The following SLC4A4 variants were observed in gnomAD, a reference collection of about 807,000 sequenced individuals.
The protein encoded by SLC4A4 is electrogenic sodium bicarbonate cotransporter 1.
In SLC4A4, 27 loss-of-function variants were observed where a neutral mutation model predicts 111.5. The ratio of observed to expected loss-of-function variants is 0.24; its 90% CI spans 0.18 to 0.33. The LOEUF is 0.33. SLC4A4 is among the 10% of genes least tolerant of loss of function. The pLI, the probability that SLC4A4 is intolerant of heterozygous loss-of-function variation, is 1.00. For synonymous variants in SLC4A4, 443 were observed against 463.4 expected, an observed-to-expected ratio of 0.96 and a Z score of 0.57; for missense variants, 909 against 1,315.5, an observed-to-expected ratio of 0.69 and a Z score of 4.78.
intron 13 of SLC4A4, among the ~76,000 whole-genome samples, chr4:71,469,730 T>C (rs1727692956): frequency 6.6e-6 from 1 of 151,910 alleles, no homozygotes; most frequent in Non-Finnish European, 1.5e-5. Flanking sequence ...CTCTTTCTTC[T>C]TGATGCTCTA....
chr4:71,379,933 C>T lies in SLC4A4; in HGVS notation c.731-17644C>T, dbSNP rs569703029. 3.2e-3 allele frequency among the ~76,000 whole-genome samples: 482 copies of T among 151,966 alleles called. 3 individuals carry two copies. Among genetic ancestry groups the T allele is most frequent in the Non-Finnish European group, 5.2e-3 (352 of 67,984 alleles). On this transcript the variant is annotated intron_variant, in intron 6 of 25. Transcript: ENST00000264485. ...GCTTTTTTGAAGAAACTGATTTGTT[C>T]CTCATCCAGGGTCTAACATAGGGCC... is the stretch of plus-strand genomic sequence containing the variant.
chr4:71,566,729 G>C (rs1737502525), intron 24 of SLC4A4, among the ~76,000 whole-genome samples: 1 of 151,750 alleles, frequency 6.6e-6, no homozygotes, highest in Admixed American at 6.6e-5. Context: ...TAGGCATTAA[G>C]AGAATGCTAT....
chr4:71,337,557 T>G (rs1225289967), intron 3 of SLC4A4, among the ~76,000 whole-genome samples: 3 of 152,188 alleles, frequency 2.0e-5, no homozygotes, highest in Non-Finnish European at 4.4e-5. Context: ...AATGATCACC[T>G]CTGTCACTAA....
intron 3 of SLC4A4, among the ~76,000 whole-genome samples, chr4:71,268,081 T>TTTG (rs1722428971): frequency 6.8e-6 from 1 of 146,472 alleles, no homozygotes; most frequent in Admixed American, 6.8e-5. Flanking sequence ...TAGTGTTTTT[T>TTTG]TTTTTTTTTT....
intron 21 of SLC4A4, among the ~76,000 whole-genome samples, chr4:71,556,515 A>T (rs913938487): frequency 2.6e-5 from 4 of 151,962 alleles, no homozygotes; most frequent in African/African-American, 9.7e-5. Context: ...TGTTTATTTA[A>T]TTAAAAAGAA....
chr4:71,121,144 G>A (rs371395213), intron 2 of SLC4A4, among the ~76,000 whole-genome samples: 1 of 152,258 alleles, frequency 6.6e-6, no homozygotes, highest in East Asian at 1.9e-4. Context: ...ATTCTTGCAG[G>A]GCCTCAGCTG....
At chr4:71,261,132 A>G (rs1398722777) in intron 3 of SLC4A4, among the ~76,000 whole-genome samples, 2 of 152,158 alleles carry the variant, frequency 1.3e-5, no homozygotes, top group African/African-American at 4.8e-5. Flanking sequence ...GAAGCAACCT[A>G]AATTCAGTCT....
rs114426813 is a variant in SLC4A4 at position 71,069,132 on chromosome 4, T to C, written c.-65+6344T>C. Among the ~76,000 whole-genome samples, 1,329 of 152,312 alleles carry C rather than the reference T, an allele frequency of 8.7e-3. 14 individuals carry two copies. The highest frequency in any genetic ancestry group is 0.031 in the African/African-American group (1,270 of 41,552). The stretch of plus-strand genomic sequence containing the variant: ...TCTTACTAAAGAGAATCATTATTTT[T>C]TTCAGGGCAGGCACATACATAGATA... On this transcript the variant is annotated intron_variant, in intron 1 of 26. Transcript: ENST00000649996.
chr4:71,558,433 C>G (rs909874190), intron 22 of SLC4A4, among the ~76,000 whole-genome samples: 5 of 151,896 alleles, frequency 3.3e-5, no homozygotes, highest in African/African-American at 1.2e-4. Flanking sequence ...TAAGGTGGGA[C>G]TCTCTATCCT....
At chr4:71,504,651 T>A (rs1356290574) in intron 16 of SLC4A4, among the ~76,000 whole-genome samples, 2 of 135,532 alleles carry the variant, frequency 1.5e-5, no homozygotes, top group African/African-American at 5.8e-5. Flanking sequence ...ACTGAAGACT[T>A]ATTGTGTTTC....
intron 1 of SLC4A4, among the ~76,000 whole-genome samples, chr4:71,191,350 C>G (rs140192186): frequency 2.0e-5 from 3 of 152,282 alleles, no homozygotes; most frequent in East Asian, 1.9e-4. Flanking sequence ...GTTCTTCTTT[C>G]CTGAAAACTA....
chr4:71,354,303 G>A (rs1730094938), intron 5 of SLC4A4, among the ~76,000 whole-genome samples: 1 of 152,186 alleles, frequency 6.6e-6, no homozygotes, highest in South Asian at 2.1e-4. Context: ...AGCTGTGCAT[G>A]TTGGCAGATG....
Position 71,451,193 on chromosome 4 carries a change from A to C in SLC4A4, c.1214A>C (p.Asn405Thr). The change falls in exon 11 of 26, where the codon AAT becomes ACT. Residue 405 changes from asparagine to threonine, a missense_variant. By Grantham distance (65) the Asn-to-Thr change is moderately conservative. This residue lies in a region of SLC4A4 where 312 missense variants were observed against 402.0 expected (regional missense o/e 0.78). Coordinates refer to ENST00000264485, the MANE Select transcript of SLC4A4 (RefSeq NM_001098484.3). Reference sequence around the variant, plus strand: ...GGCTCTGTTGTCTTGCTTAGAAAGAATATGTACTCAGGTGGAGAGAATGTT... The same window carrying C: ...GGCTCTGTTGTCTTGCTTAGAAAGACTATGTACTCAGGTGGAGAGAATGTT... The part of the protein sequence containing the change: ...KSLPSSDKRK[N>T]MYSGGENVQM... 6.3e-7 allele frequency: 1 copy of C among 1,594,644 alleles called. No individual in the cohort carries two copies. Among genetic ancestry groups the C allele is most frequent in the Non-Finnish European group, 8.6e-7 (1 of 1,162,248 alleles).
intron 25 of SLC4A4, 48 bp downstream of exon 25, chr4:71,567,131 C>T: frequency 7.1e-7 from 1 of 1,414,208 alleles, no homozygotes; most frequent in African/African-American, 1.4e-5. Context: ...ATAATTGCCC[C>T]ACAGAAATGT....
At chr4:71,101,341 A>G (rs1167201813) in intron 2 of SLC4A4, among the ~76,000 whole-genome samples, 5 of 152,308 alleles carry the variant, frequency 3.3e-5, no homozygotes, top group South Asian at 4.1e-4. Flanking sequence ...ACCCAAAGCA[A>G]TTTACAGATT....
chr4:71,565,786 T>A lies in SLC4A4; in HGVS notation c.3197-1218T>A, dbSNP rs368813042. Among the ~76,000 whole-genome samples, 17 of 151,926 alleles carry A rather than the reference T, an allele frequency of 1.1e-4. No homozygotes were observed. The East Asian group carries it at 2.7e-3, about 24-fold the overall frequency. On this transcript the variant is annotated intron_variant, in intron 24 of 25. Coordinates refer to ENST00000264485, the MANE Select transcript of SLC4A4 (RefSeq NM_001098484.3). ...TCCACCCCCTGAGGTTCCCATTAAA[T>A]ATTTTAGTGTCTGAAGCTGGGTGTC...
chr4:71,226,666 T>C (rs778230608), intron 1 of SLC4A4, among the ~76,000 whole-genome samples: 2 of 152,192 alleles, frequency 1.3e-5, no homozygotes, highest in Non-Finnish European at 2.9e-5. Context: ...TCACTATTTC[T>C]TCAGTTGAAT....
intron 6 of SLC4A4, among the ~76,000 whole-genome samples, chr4:71,360,361 G>A (rs1157744929): frequency 6.6e-6 from 1 of 151,600 alleles, no homozygotes; most frequent in Non-Finnish European, 1.5e-5. Context: ...TTGACCATTT[G>A]TCTCTAGGCT....
intron 2 of SLC4A4, among the ~76,000 whole-genome samples, chr4:71,146,949 G>C (rs553421237): frequency 9.2e-5 from 14 of 152,276 alleles, no homozygotes; most frequent in Non-Finnish European, 1.9e-4. Context: ...CTGGCAAATT[G>C]GATAAAGAGT....
Sources: allele counts gnomAD v4.1 joint callset (sites outside exome capture counted in the v4.1 genomes callset), GRCh38; gene constraint gnomAD v4.1.1; regional missense constraint gnomAD v4.1.1; transcripts MANE v1.5; gene names NCBI Gene and HGNC (gene_info 2026-07-23, HGNC 2026-07-21).